Variants in REXO5 observed in about 807,000 individuals in gnomAD.
REXO5 encodes the protein RNA exonuclease 5.
In REXO5, 48 loss-of-function variants were observed where a neutral mutation model predicts 88.5. The ratio of observed to expected loss-of-function variants is 0.54; its 90% CI spans 0.43 to 0.69. The LOEUF (loss-of-function observed/expected upper bound fraction) is 0.69. Among genes scored for constraint, REXO5 ranks in the 30% least tolerant of loss-of-function variants. The pLI is 0.00. For missense variants in REXO5, 749 were observed against 912.2 expected (o/e 0.82, Z 2.30); for synonymous variants, 311 against 336.5 (o/e 0.92, Z 0.83).
intron 11 of REXO5, 121 bp downstream of exon 11, chr16:20,828,658 G>A (rs2081293552): frequency 2.9e-6 from 2 of 686,330 alleles, no homozygotes; most frequent in Non-Finnish European, 5.1e-6. Context: ...GCCAGGTGCA[G>A]TGGCTCATGC....
intron 11 of REXO5, 86 bp from the exon 12 acceptor site, chr16:20,832,070 T>C: frequency 1.1e-6 from 1 of 934,190 alleles, no homozygotes; most frequent in East Asian, 2.6e-5. Context: ...TTTTGCTTTT[T>C]GTTGTTGTTG....
At chr16:20,834,711 T>C (rs2081398614) in intron 13 of REXO5, among the ~76,000 whole-genome samples, 1 of 152,194 alleles carries the variant, frequency 6.6e-6, no homozygotes, top group South Asian at 2.1e-4. Context: ...AGGTTTCTAA[T>C]TCTGCTGCAG....
At chr16:20,819,756 CA>C (rs34436271) in intron 5 of REXO5, among the ~76,000 whole-genome samples, 147 of 139,152 alleles carry the variant, frequency 1.1e-3, no homozygotes, top group African/African-American at 1.7e-3. Flanking sequence ...ACTCCGTCTC[CA>C]AAAAAAAAAA....
intron 18 of REXO5, 53 bp from the exon 19 acceptor site, chr16:20,846,168 A>G (rs1263924596): frequency 1.4e-6 from 2 of 1,391,252 alleles, no homozygotes; most frequent in Admixed American, 1.7e-5. Flanking sequence ...AGCCCTTCCA[A>G]AGGTAACGAG....
chr16:20,836,105 T>A (rs142862739), intron 13 of REXO5, among the ~76,000 whole-genome samples: 2 of 152,154 alleles, frequency 1.3e-5, no homozygotes, highest in South Asian at 2.1e-4. Context: ...ACTTCCACCA[T>A]TATCAACAAC....
At chr16:20,812,112 T>G (rs1346666793) in intron 2 of REXO5, among the ~76,000 whole-genome samples, 1 of 152,240 alleles carries the variant, frequency 6.6e-6, no homozygotes, top group African/African-American at 2.4e-5. Flanking sequence ...TTTATTTTAA[T>G]TATCTCTGAG....
chr16:20,825,600 T>C (rs1035643240), intron 7 of REXO5: 2 of 461,954 alleles, frequency 4.3e-6, no homozygotes, highest in African/African-American at 2.0e-5. Context: ...ATTAATATTA[T>C]TTGCATTCAT....
Position 20,809,801 on chromosome 16 carries a change from A to G in REXO5, c.138+2710A>G, listed in dbSNP as rs2152499089. On this transcript the variant is annotated intron_variant, in intron 2 of 19. Transcript: ENST00000261377. ...AGGCTAGTCTGGAATTCCTGGGCTAAAGCAATCCTCCCACCTCAGCCTCAG... is the reference window on the plus strand; with the variant it reads ...AGGCTAGTCTGGAATTCCTGGGCTAGAGCAATCCTCCCACCTCAGCCTCAG... 1.3e-5 allele frequency among the ~76,000 whole-genome samples: 2 copies of G among 152,352 alleles called. 1 individual carries two copies. Among genetic ancestry groups the G allele is most frequent in the South Asian group, 4.1e-4 (2 of 4,828 alleles).
At chr16:20,821,994 G>C in intron 6 of REXO5, 92 bp downstream of exon 6, 3 of 1,277,536 alleles carry the variant, frequency 2.3e-6, no homozygotes, top group Non-Finnish European at 3.2e-6. Context: ...TTATCTGGCT[G>C]TTTTCTGAGT....
chr16:20,835,886 A>T (rs2081421013), intron 13 of REXO5, among the ~76,000 whole-genome samples: 1 of 152,086 alleles, frequency 6.6e-6, no homozygotes, highest in Admixed American at 6.5e-5. Context: ...TGTCGCTACA[A>T]AAAATTAGCC....
At chr16:20,816,723 C>CAG (rs2081086932) in intron 5 of REXO5, among the ~76,000 whole-genome samples, 1 of 152,162 alleles carries the variant, frequency 6.6e-6, no homozygotes, top group Non-Finnish European at 1.5e-5. Flanking sequence ...GTTCATGTCT[C>CAG]AGAAACAATC....
chr16:20,828,254 C>T (rs1352486041), intron 10 of REXO5, among the ~76,000 whole-genome samples, 181 bp from the exon 11 acceptor site: 1 of 152,124 alleles, frequency 6.6e-6, no homozygotes, highest in Non-Finnish European at 1.5e-5. Flanking sequence ...GATTGTTTTG[C>T]ACCCCCAGTT....
rs767502782 is a variant in REXO5, at chr16:20,832,989, C to T, written c.1263-14C>T. On this transcript the variant is annotated splice_polypyrimidine_tract_variant and intron_variant, in intron 12 of 19. Transcript: ENST00000261377. Reference sequence around the variant, plus strand: ...AACTGTTGTTCTTACCTTAACTCTTCTACTTCTTTATAGTGTTTTAGAATG... The same window carrying T: ...AACTGTTGTTCTTACCTTAACTCTTTTACTTCTTTATAGTGTTTTAGAATG... The T allele has an allele frequency of 5.0e-6, 8 of 1,607,862 alleles. No individual in the cohort carries two copies. The Admixed American group carries it at 6.7e-5, about 13-fold the overall frequency.
intron 2 of REXO5, among the ~76,000 whole-genome samples, chr16:20,810,973 C>T (rs1339647200): frequency 2.0e-5 from 3 of 152,154 alleles, no homozygotes; most frequent in Admixed American, 2.0e-4. Flanking sequence ...CACTACTGTC[C>T]CTCAGCATTG....
intron 5 of REXO5, among the ~76,000 whole-genome samples, chr16:20,817,616 G>A (rs796412175): frequency 2.0e-5 from 3 of 152,266 alleles, no homozygotes; most frequent in African/African-American, 7.2e-5. Context: ...AAAGAATTTG[G>A]ATTTTATTCT....
At chr16:20,816,296 C>A in intron 5 of REXO5, 84 bp downstream of exon 5, 2 of 1,127,450 alleles carry the variant, frequency 1.8e-6, no homozygotes, top group Non-Finnish European at 2.6e-6. Flanking sequence ...CAACAAAACT[C>A]AATTCTAACT....
chr16:20,839,655 G>C, intron 13 of REXO5, 100 bp from the exon 14 acceptor site: 1 of 692,458 alleles, frequency 1.4e-6, no homozygotes, highest in Non-Finnish European at 2.3e-6. Flanking sequence ...TTCAGTATGC[G>C]TAAAAAGACA....
chr16:20,816,317 C>A, intron 5 of REXO5, 105 bp downstream of exon 5: 4 of 899,326 alleles, frequency 4.4e-6, no homozygotes, highest in Non-Finnish European at 1.6e-6. Flanking sequence ...AGCTTAAGCA[C>A]AAAAACAATT....
At chr16:20,821,288 TTTTG>T (rs71973229) in intron 5 of REXO5, among the ~76,000 whole-genome samples, 3,214 of 152,238 alleles carry the variant, frequency 0.021, 61 homozygotes, top group Non-Finnish European at 0.028. Flanking sequence ...TCTGTGTTTT[TTTTG>T]TTTGTTTGTT....
Sources: allele counts gnomAD v4.1 joint callset (sites outside exome capture counted in the v4.1 genomes callset), GRCh38; gene constraint gnomAD v4.1.1; transcripts MANE v1.5; gene names NCBI Gene and HGNC (gene_info 2026-07-23, HGNC 2026-07-21).